CTNNA2: variants seen among roughly 807,000 people sequenced by gnomAD.
CTNNA2 encodes the protein catenin alpha-2.
CTNNA2 carries 42 observed loss-of-function variants against 101.0 expected under a neutral mutation model. The observed-to-expected ratio is 0.42, with a 90% CI of 0.32 to 0.54. The LOEUF is 0.54. Ranked by LOEUF, CTNNA2 falls within the 20% of genes least tolerant of loss-of-function variation. The pLI is 0.14. For synonymous variants in CTNNA2, 450 were observed against 456.4 expected (o/e 0.99, Z 0.18); for missense variants, 871 against 1,223.1 (o/e 0.71, Z 4.29).
At chr2:79,260,049 C>T (rs1291868341) in intron 2 of CTNNA2, among the ~76,000 whole-genome samples, 1 of 152,170 alleles carries the variant, frequency 6.6e-6, no homozygotes. Flanking sequence ...TTAGTCACTT[C>T]TGACTTAGAT....
At chr2:79,224,832 TTGAC>T (rs777756082) in intron 2 of CTNNA2, among the ~76,000 whole-genome samples, 1 of 150,882 alleles carries the variant, frequency 6.6e-6, no homozygotes, top group African/African-American at 2.4e-5. Flanking sequence ...TAAATTAAGT[TTGAC>T]TGTTCTCGGG....
At chr2:80,385,029 TGTCA>T (rs1676870716) in intron 7 of CTNNA2, among the ~76,000 whole-genome samples, 1 of 152,076 alleles carries the variant, frequency 6.6e-6, no homozygotes, top group South Asian at 2.1e-4. Context: ...AGGCCAAGTG[TGTCA>T]TTCATTGACT....
chr2:80,078,111 G>C (rs369062664), intron 7 of CTNNA2, among the ~76,000 whole-genome samples: 1 of 152,110 alleles, frequency 6.6e-6, no homozygotes, highest in Non-Finnish European at 1.5e-5. Flanking sequence ...TTTGCTCTTA[G>C]TCATTTTTTC....
rs546869191 is a variant in CTNNA2 at position 79,842,841 on chromosome 2, A to G, written c.299-15172A>G. ...AAAGACAGCTGTTATTGTATTTTAC[A>G]TCATAGAATTCAAAAGCATCATTGA... On this transcript the variant is annotated intron_variant, in intron 3 of 18. Coordinates refer to ENST00000402739, the MANE Select transcript of CTNNA2 (RefSeq NM_001282597.3). Among the ~76,000 whole-genome samples the G allele has an allele frequency of 2.6e-5, 4 of 152,294 alleles. No individual in the cohort carries two copies. The East Asian group carries it at 5.8e-4, about 22-fold the overall frequency.
intron 4 of CTNNA2, among the ~76,000 whole-genome samples, chr2:79,410,887 C>T (rs1678402063): frequency 6.6e-6 from 1 of 152,014 alleles, no homozygotes; most frequent in South Asian, 2.1e-4. Flanking sequence ...ACCAGTTCTT[C>T]CTTGTACCTC....
At chr2:80,377,964 A>G (rs186718025) in intron 7 of CTNNA2, among the ~76,000 whole-genome samples, 9 of 152,270 alleles carry the variant, frequency 5.9e-5, no homozygotes, top group Admixed American at 3.3e-4. Flanking sequence ...AGTACAAGGG[A>G]AACTCCTTTT....
chr2:80,279,049 C>CGT (rs3219982), intron 7 of CTNNA2, among the ~76,000 whole-genome samples: 6,681 of 135,790 alleles, frequency 0.049, 384 homozygotes, highest in African/African-American at 0.14. Flanking sequence ...ATGACTTTTA[C>CGT]GTGTGTGTGT....
At chr2:79,828,775 T>C (rs1197749251) in intron 3 of CTNNA2, among the ~76,000 whole-genome samples, 1 of 152,228 alleles carries the variant, frequency 6.6e-6, no homozygotes, top group Non-Finnish European at 1.5e-5. Flanking sequence ...CAGCATCACC[T>C]GAGAACCTGT....
At chr2:79,982,234 AT>A (rs1558697498) in intron 7 of CTNNA2, among the ~76,000 whole-genome samples, 2 of 96,034 alleles carry the variant, frequency 2.1e-5, no homozygotes, top group African/African-American at 9.1e-5. Flanking sequence ...ATATATATAT[AT>A]ATATATGTAT....
intron 17 of CTNNA2, chr2:80,616,330 T>C (rs1225033872): frequency 6.6e-6 from 1 of 151,730 alleles, no homozygotes; most frequent in Admixed American, 6.6e-5. Context: ...TTGAATCTGC[T>C]GCTATCCACA....
chr2:79,269,280 G>A (rs746993063), intron 2 of CTNNA2, among the ~76,000 whole-genome samples: 1 of 152,072 alleles, frequency 6.6e-6, no homozygotes, highest in Non-Finnish European at 1.5e-5. Flanking sequence ...CTAAAGGAAG[G>A]CTATATTTGA....
At chr2:79,543,650 T>A (rs1442285118) in intron 1 of CTNNA2, among the ~76,000 whole-genome samples, 1 of 152,108 alleles carries the variant, frequency 6.6e-6, no homozygotes, top group Non-Finnish European at 1.5e-5. Flanking sequence ...AATGAACAGA[T>A]CATTTAATAG....
At chr2:80,487,574 A>G (rs1686693770) in intron 9 of CTNNA2, among the ~76,000 whole-genome samples, 1 of 152,174 alleles carries the variant, frequency 6.6e-6, no homozygotes, top group Non-Finnish European at 1.5e-5. Flanking sequence ...TACTATCACG[A>G]GAATGGCATG....
At chr2:80,146,724 T>TG (rs1703366292) in intron 7 of CTNNA2, among the ~76,000 whole-genome samples, 1 of 113,554 alleles carries the variant, frequency 8.8e-6, no homozygotes, top group Non-Finnish European at 1.9e-5. Context: ...TTTTTTTTTT[T>TG]TTTTTTTTTT....
intron 4 of CTNNA2, among the ~76,000 whole-genome samples, chr2:79,386,466 G>C (rs1433262606): frequency 1.3e-5 from 2 of 152,082 alleles, no homozygotes; most frequent in Non-Finnish European, 2.9e-5. Flanking sequence ...CTCTTAGAAT[G>C]CACTTTTTTC....
chr2:79,616,689 T>G (rs553933819), intron 1 of CTNNA2, among the ~76,000 whole-genome samples: 1 of 152,270 alleles, frequency 6.6e-6, no homozygotes, highest in South Asian at 2.1e-4. Flanking sequence ...ACTTTTCTTC[T>G]TGTTTAGTAG....
chr2:79,848,674 CATT>C (rs1411759765), intron 3 of CTNNA2, among the ~76,000 whole-genome samples: 1 of 152,146 alleles, frequency 6.6e-6, no homozygotes, highest in East Asian at 1.9e-4. Flanking sequence ...TACACTTAAT[CATT>C]AGTTACTGAC....
At chr2:79,784,564 C>G (rs1263558805) in intron 3 of CTNNA2, among the ~76,000 whole-genome samples, 1 of 151,188 alleles carries the variant, frequency 6.6e-6, no homozygotes, top group Non-Finnish European at 1.5e-5. Flanking sequence ...TCTCCCCAAA[C>G]CTGCTCTTGC....
rs183804184 is a variant in CTNNA2, at chr2:79,621,344, G to T, written c.-5-30208G>T. Among the ~76,000 whole-genome samples, 19 of 152,166 alleles carry T rather than the reference G, an allele frequency of 1.2e-4. No individual in the cohort carries two copies. The East Asian group carries it at 3.7e-3, about 30-fold the overall frequency. On this transcript the variant is annotated intron_variant, in intron 1 of 18. Transcript: ENST00000402739. ...TCCTCGGAGAAATGGCTTATTCTCC[G>T]TTATTGTCCATGGGTTTGAGCTAGC...
Sources: allele counts gnomAD v4.1 joint callset (sites outside exome capture counted in the v4.1 genomes callset), GRCh38; gene constraint gnomAD v4.1.1; transcripts MANE v1.5; gene names NCBI Gene and HGNC (gene_info 2026-07-23, HGNC 2026-07-21).